The following DNM1 variants were observed in gnomAD, a reference collection of about 807,000 sequenced individuals.
The protein encoded by DNM1 is dynamin 1.
A neutral mutation model predicts 104.6 loss-of-function variants in DNM1; 29 were observed. The ratio of observed to expected loss-of-function variants is 0.28; its 90% CI spans 0.21 to 0.38. The LOEUF (loss-of-function observed/expected upper bound fraction) is 0.38, where lower values mean the gene tolerates loss of function less well. Ranked by LOEUF, DNM1 falls within the 10% of genes least tolerant of loss-of-function variation. The pLI is 1.00. For missense variants in DNM1, 640 were observed against 1,189.4 expected (o/e 0.54, Z 6.79); for synonymous variants, 445 against 475.8 (o/e 0.94, Z 0.84).
At chr9:128,235,700 T>C (rs1226558831) in intron 11 of DNM1, among the ~76,000 whole-genome samples, 1 of 152,088 alleles carries the variant, frequency 6.6e-6, no homozygotes, top group Non-Finnish European at 1.5e-5. Flanking sequence ...TGCTGGGCCA[T>C]AGGCTGGTTC....
At chr9:128,233,984 T>C in intron 10 of DNM1, 37 bp from the exon 11 acceptor site, 2 of 1,544,542 alleles carry the variant, frequency 1.3e-6, no homozygotes, top group Non-Finnish European at 1.8e-6. Flanking sequence ...CCGTGCCCTC[T>C]GTGTACGTGG....
intron 4 of DNM1, 28 bp downstream of exon 4, chr9:128,219,280 C>G: frequency 6.3e-7 from 1 of 1,593,436 alleles, no homozygotes; most frequent in Non-Finnish European, 8.6e-7. Flanking sequence ...GGCCAATGCA[C>G]AAAACCCCAG....
At chr9:128,239,536 A>C (rs1162289772) in intron 12 of DNM1, 21 bp downstream of exon 12, 3 of 1,605,298 alleles carry the variant, frequency 1.9e-6, no homozygotes, top group African/African-American at 2.7e-5. Flanking sequence ...CCCCAGGCAA[A>C]AAGTGAGTGC....
chr9:128,224,893 T>C lies in DNM1; in HGVS notation c.1335+504T>C, dbSNP rs1034610049. Among the ~76,000 whole-genome samples the C allele has an allele frequency of 1.1e-4, 16 of 151,988 alleles. No individual in the cohort carries two copies. Among genetic ancestry groups the C allele is most frequent in the African/African-American group, 3.9e-4 (16 of 41,380 alleles). On this transcript the variant is annotated intron_variant, in intron 10 of 21. Transcript: ENST00000372923. The surrounding 1 kb of genome is among the most constrained non-coding windows in gnomAD (Gnocchi z 4.3). ...CTGTCCTTCATCCTCCCCATACTCATCTCACCCTCACTCAGGACCCTCACA... is the reference window on the plus strand; with the variant it reads ...CTGTCCTTCATCCTCCCCATACTCACCTCACCCTCACTCAGGACCCTCACA...
intron 10 of DNM1, among the ~76,000 whole-genome samples, chr9:128,231,580 G>A (rs944300236): frequency 1.3e-5 from 2 of 152,086 alleles, no homozygotes; most frequent in Non-Finnish European, 2.9e-5. Context: ...CTATCTTTGT[G>A]TATATATTTT....
chr9:128,218,903 A>G lies in DNM1; in HGVS notation c.386-146A>G. The G allele has an allele frequency of 7.8e-7, 1 of 1,283,406 alleles. No individual in the cohort carries two copies. The allele number at this position is 1,283,406 out of a possible 1,614,324, so 79.5% of individuals were successfully genotyped here. A position where few individuals can be genotyped will look rare whatever the true frequency, so the allele number is the denominator to read the frequency against. ...GCCCACTTCCGGCCACGCCTCCAAC[A>G]GACTGCCACTTTCGCCCTGAGATTT... On this transcript the variant is annotated intron_variant, in intron 3 of 21. Transcript: ENST00000372923. This position sits in a 1 kb window ranked among gnomAD's most constrained non-coding sequence, Gnocchi z 4.8.
chr9:128,240,259 G>T lies in DNM1; in HGVS notation c.1557+263G>T, dbSNP rs370624952. 1.3e-5 allele frequency among the ~76,000 whole-genome samples: 2 copies of T among 152,182 alleles called. No individual in the cohort carries two copies. Among genetic ancestry groups the T allele is most frequent in the Non-Finnish European group, 2.9e-5 (2 of 68,038 alleles). On this transcript the variant is annotated intron_variant, in intron 14 of 21. Coordinates refer to ENST00000372923, the MANE Select transcript of DNM1 (RefSeq NM_004408.4). This position sits in a 1 kb window ranked among gnomAD's most constrained non-coding sequence, Gnocchi z 5.1. ...TGGGTGAGAAGGCTGGGCCTGGCACGGAGTAGGTGCTCCTTAAACATCTGC... is the reference window on the plus strand; with the variant it reads ...TGGGTGAGAAGGCTGGGCCTGGCACTGAGTAGGTGCTCCTTAAACATCTGC...
At chr9:128,236,351 C>A (rs1309896532) in intron 11 of DNM1, among the ~76,000 whole-genome samples, 1 of 152,188 alleles carries the variant, frequency 6.6e-6, no homozygotes, top group African/African-American at 2.4e-5. Context: ...TGTTTTCACA[C>A]ATCTCTCCAT....
chr9:128,220,234 A>G lies in DNM1; in HGVS notation c.742A>G (p.Ile248Val). 6.2e-7 allele frequency: 1 copy of G among 1,614,180 alleles called. No homozygotes were observed. The highest frequency in any genetic ancestry group is 8.5e-7 in the Non-Finnish European group (1 of 1,180,042). Residue 248 changes from isoleucine to valine, a missense_variant, in exon 6 of 22, where the codon ATT becomes GTT. Physicochemically the swap from Ile to Val is conservative, Grantham distance 29. Coordinates refer to ENST00000372923, the MANE Select transcript of DNM1 (RefSeq NM_004408.4). This position sits in a 1 kb window ranked among gnomAD's most constrained non-coding sequence, Gnocchi z 5.2. ...SQKDIDGKKD[I>V]TAALAAERKF... ...GAAGGACATTGATGGCAAGAAGGAC[A>G]TTACCGCCGCCTTGGCTGCTGAACG...
chr9:128,238,536 T>G (rs1836154677), intron 11 of DNM1, among the ~76,000 whole-genome samples: 2 of 152,168 alleles, frequency 1.3e-5, no homozygotes, highest in Non-Finnish European at 2.9e-5. Flanking sequence ...AAGCCTCATT[T>G]TTAACTTACA....
intron 13 of DNM1, 37 bp downstream of exon 13, chr9:128,239,816 G>A (rs1395958544): frequency 3.1e-6 from 5 of 1,603,312 alleles, no homozygotes; most frequent in African/African-American, 1.3e-5. Flanking sequence ...GAGGGATGGA[G>A]GGTGCCGGAC....
intron 19 of DNM1, among the ~76,000 whole-genome samples, chr9:128,249,125 G>T (rs959672337): frequency 6.6e-6 from 1 of 151,412 alleles, no homozygotes; most frequent in Non-Finnish European, 1.5e-5. Flanking sequence ...CCCAGGAGGC[G>T]GAGGTTGCAG....
Position 128,222,625 on chromosome 9 carries a change from G to A in DNM1, c.1128+29G>A. ...GGTCAGGCAGCCCTGGGGACAGGATGGCTCAGGACTCCCCCCACCCTCACT... is the reference window on the plus strand; with the variant it reads ...GGTCAGGCAGCCCTGGGGACAGGATAGCTCAGGACTCCCCCCACCCTCACT... On this transcript the variant is annotated intron_variant, in intron 8 of 21. Coordinates refer to ENST00000372923, the MANE Select transcript of DNM1 (RefSeq NM_004408.4). This position sits in a 1 kb window ranked among gnomAD's most constrained non-coding sequence, Gnocchi z 7.8. 1 of 1,612,662 alleles carries A rather than the reference G, an allele frequency of 6.2e-7. No individual in the cohort carries two copies.
chr9:128,246,170 C>T (rs1296823651), intron 15 of DNM1, among the ~76,000 whole-genome samples: 2 of 152,180 alleles, frequency 1.3e-5, no homozygotes, highest in African/African-American at 2.4e-5. Context: ...TCACCAGCCC[C>T]CTGGCCCCCG....
At position 128,248,706 on chromosome 9, in the gene DNM1, G is replaced by A. The variant is rs745806993; in HGVS notation, c.2029G>A (p.Val677Met). The change falls in exon 19 of 22, where the codon GTG (valine) becomes ATG (methionine). Residue 677 changes from valine to methionine, a missense_variant. This residue lies in a region of DNM1 where 91 missense variants were observed against 256.3 expected (regional missense o/e 0.36). Coordinates refer to ENST00000372923, the MANE Select transcript of DNM1 (RefSeq NM_004408.4). This position sits in a 1 kb window ranked among gnomAD's most constrained non-coding sequence, Gnocchi z 5.6. The stretch of plus-strand genomic sequence containing the variant: ...ATACATGGCCATTGTCAACAAGACC[G>A]TGAGGGACCTCATGCCCAAGACCAT... The part of the protein sequence containing the change: ...DSYMAIVNKT[V>M]RDLMPKTIMH... 6.8e-6 allele frequency: 11 copies of A among 1,613,874 alleles called. No homozygotes were observed. Among genetic ancestry groups the A allele is most frequent in the East Asian group, 2.2e-5 (1 of 44,888 alleles).
At chr9:128,217,543 A>G (rs1167035135) in intron 1 of DNM1, among the ~76,000 whole-genome samples, 1 of 152,038 alleles carries the variant, frequency 6.6e-6, no homozygotes, top group Non-Finnish European at 1.5e-5. Flanking sequence ...CAGCCTCCCA[A>G]ATAGCTGAGA....
In DNM1 at chr9:128,220,742, C is replaced by T. The variant is rs77780339; in HGVS notation, c.849+401C>T. Among the ~76,000 whole-genome samples the T allele has an allele frequency of 0.27, 36,690 of 136,174 alleles. 6,779 individuals carry two copies. The highest frequency in any genetic ancestry group is 0.53 in the African/African-American group (19,836 of 37,698). 89.3% of individuals were successfully genotyped at this position (136,174 alleles called of 152,430 possible). A position where few individuals can be genotyped will look rare whatever the true frequency, so the allele number is the denominator to read the frequency against. On this transcript the variant is annotated intron_variant, in intron 6 of 21. Transcript: ENST00000372923. This position sits in a 1 kb window ranked among gnomAD's most constrained non-coding sequence, Gnocchi z 5.2. The stretch of plus-strand genomic sequence containing the variant: ...CAGAACTGAAGTGCGCGCGCGCGCG[C>T]GTGTGTGTGTGTGTGTGTGTGTGTG...
chr9:128,218,946 G>A lies in DNM1; in HGVS notation c.386-103G>A. 7.2e-7 allele frequency: 1 copy of A among 1,393,746 alleles called. No homozygotes were observed. Among genetic ancestry groups the A allele is most frequent in the Admixed American group, 2.0e-5 (1 of 50,984 alleles). The allele number at this position is 1,393,746 out of a possible 1,614,324, so 86.3% of individuals were successfully genotyped here. A position where few individuals can be genotyped will look rare whatever the true frequency, so the allele number is the denominator to read the frequency against. ...TGAGATTTCCTAGTCCCACCCACCT[G>A]CCACCCTGCTCCCAAGCAGCTTCTC... On this transcript the variant is annotated intron_variant, in intron 3 of 21. Transcript: ENST00000372923. The surrounding 1 kb of genome is among the most constrained non-coding windows in gnomAD (Gnocchi z 4.8).
chr9:128,248,248 A>G lies in DNM1; in HGVS notation c.1905+313A>G. The G allele has an allele frequency of 2.0e-6, 1 of 502,158 alleles. No individual in the cohort carries two copies. Among genetic ancestry groups the G allele is most frequent in the East Asian group, 3.7e-5 (1 of 26,946 alleles). 31.1% of individuals were successfully genotyped at this position (502,158 alleles called of 1,614,324 possible). On this transcript the variant is annotated intron_variant, in intron 18 of 21. Transcript: ENST00000372923. This position sits in a 1 kb window ranked among gnomAD's most constrained non-coding sequence, Gnocchi z 5.6. The stretch of plus-strand genomic sequence containing the variant: ...AGGCTGAGGCAGGAGAATCGCTTGA[A>G]CCCAGGAGGAGGTTGCAATGAGCCA...
Sources: gnomAD v4.1 joint callset for allele counts (sites outside exome capture counted in the v4.1 genomes callset) on GRCh38, gnomAD v4.1.1 for gene constraint, gnomAD v4.1.1 regional missense constraint, Gnocchi (gnomAD v3.1) non-coding constraint, MANE v1.5 for transcripts, NCBI Gene and HGNC (gene_info 2026-07-23, HGNC 2026-07-21) for gene names.